OCA2: variants seen among roughly 807,000 people sequenced by gnomAD.
OCA2 encodes P protein.
Under a neutral mutation model 100.2 loss-of-function variants are expected in OCA2, and 77 were observed. That is an observed-to-expected ratio of 0.77 (90% CI 0.64 to 0.93). The LOEUF is 0.93. Ranked by LOEUF, OCA2 falls within the 40% of genes least tolerant of loss-of-function variation. OCA2 has a pLI of 0.00. For synonymous variants in OCA2, 432 were observed against 439.2 expected (o/e 0.98, Z 0.21); for missense variants, 1,062 against 1,089.1 (o/e 0.98, Z 0.35).
chr15:27,867,110 G>A (rs1459191289), intron 21 of OCA2, among the ~76,000 whole-genome samples: 2 of 152,234 alleles, frequency 1.3e-5, no homozygotes, highest in Non-Finnish European at 2.9e-5. Flanking sequence ...ACTATCCCTA[G>A]ATAAACTCCT....
At chr15:28,091,897 A>G (rs1398132244) in intron 1 of OCA2, among the ~76,000 whole-genome samples, 1 of 152,182 alleles carries the variant, frequency 6.6e-6, no homozygotes, top group Non-Finnish European at 1.5e-5. Flanking sequence ...CGGAGGTTGG[A>G]GTGAGCTGAG....
chr15:27,934,889 A>G (rs551811546), intron 18 of OCA2, among the ~76,000 whole-genome samples: 29 of 152,318 alleles, frequency 1.9e-4, no homozygotes, highest in Middle Eastern at 3.4e-3. Flanking sequence ...CTTACTTTTA[A>G]TCGCACTGCC....
chr15:27,929,228 G>A (rs1380354905), intron 18 of OCA2, among the ~76,000 whole-genome samples: 1 of 152,144 alleles, frequency 6.6e-6, no homozygotes. Flanking sequence ...CAAGGTTTGA[G>A]AATATACTTT....
chr15:28,056,915 C>G (rs922931013), intron 2 of OCA2, among the ~76,000 whole-genome samples: 3 of 152,238 alleles, frequency 2.0e-5, no homozygotes, highest in Non-Finnish European at 2.9e-5. Flanking sequence ...CCTGCCCCAG[C>G]TGCCTGCCCC....
chr15:28,036,840 G>A (rs985067879), intron 2 of OCA2, among the ~76,000 whole-genome samples: 2 of 152,168 alleles, frequency 1.3e-5, no homozygotes, highest in Admixed American at 1.3e-4. Context: ...GGGGTACCAG[G>A]CATGGAGGAA....
the OCA2 span, among the ~76,000 whole-genome samples, chr15:27,722,780 T>TTCTCTCTCTCTCTCTCTCTCTCTTTCTC: frequency 3.0e-5 from 4 of 134,312 alleles, no homozygotes; most frequent in African/African-American, 8.8e-5. Flanking sequence ...TTTTCTTTCT[T>TTCTCTCTCTCTCTCTCTCTCTCTTTCTC]TCTCTCTCTC....
the OCA2 span, among the ~76,000 whole-genome samples, chr15:27,745,648 C>T: frequency 8.5e-5 from 13 of 152,298 alleles, no homozygotes; most frequent in East Asian, 1.9e-4. Context: ...GGGAAATTTA[C>T]GCTGTGTAGA....
At chr15:27,931,458 C>T (rs547249501) in intron 18 of OCA2, among the ~76,000 whole-genome samples, 2 of 152,224 alleles carry the variant, frequency 1.3e-5, no homozygotes, top group South Asian at 4.1e-4. Flanking sequence ...CCTCAGCCTC[C>T]TGAGTAGCTG....
At chr15:27,908,161 C>T (rs1252929266) in intron 19 of OCA2, among the ~76,000 whole-genome samples, 2 of 152,040 alleles carry the variant, frequency 1.3e-5, no homozygotes, top group African/African-American at 2.4e-5. Context: ...AAGACCACCA[C>T]ATTAAGAAAA....
intron 23 of OCA2, among the ~76,000 whole-genome samples, chr15:27,769,518 A>G (rs554876791): frequency 6.6e-6 from 1 of 152,110 alleles, no homozygotes; most frequent in Non-Finnish European, 1.5e-5. Context: ...TTTCCTTTCC[A>G]AAAGACTACA....
chr15:27,925,504 T>C (rs1407519269), intron 19 of OCA2, among the ~76,000 whole-genome samples: 2 of 152,168 alleles, frequency 1.3e-5, no homozygotes, highest in African/African-American at 4.8e-5. Context: ...AGAAATTATA[T>C]GGAAAATTAG....
intron 9 of OCA2, among the ~76,000 whole-genome samples, chr15:28,003,491 A>G (rs1423648504): frequency 6.6e-6 from 1 of 152,076 alleles, no homozygotes; most frequent in Non-Finnish European, 1.5e-5. Flanking sequence ...ACAAGAAGCC[A>G]GGAGATGTTA....
chr15:27,920,070 AC>A (rs1377534850), intron 19 of OCA2, among the ~76,000 whole-genome samples: 1 of 152,160 alleles, frequency 6.6e-6, no homozygotes, highest in Non-Finnish European at 1.5e-5. Context: ...AAGGAAAAAA[AC>A]AAATAGAAAA....
chr15:28,068,617 A>G (rs938854414), intron 2 of OCA2, among the ~76,000 whole-genome samples: 2 of 152,244 alleles, frequency 1.3e-5, no homozygotes, highest in African/African-American at 4.8e-5. Flanking sequence ...CCTGATACCA[A>G]AATCTGGCAG....
the OCA2 span, among the ~76,000 whole-genome samples, chr15:27,738,462 G>A: frequency 1.3e-5 from 2 of 152,196 alleles, no homozygotes; most frequent in Non-Finnish European, 2.9e-5. Context: ...CGGGCCGGGC[G>A]CGGTGGCTCA....
At chr15:27,926,330 C>T (rs1468139740) in intron 18 of OCA2, 76 bp from the exon 19 acceptor site, 6 of 1,532,842 alleles carry the variant, frequency 3.9e-6, no homozygotes, top group South Asian at 1.1e-5. Flanking sequence ...CCTCTGGTTG[C>T]CTTTTTCTTT....
chr15:28,098,703 G>C (rs1009905035), intron 1 of OCA2, among the ~76,000 whole-genome samples: 1 of 152,200 alleles, frequency 6.6e-6, no homozygotes, highest in Non-Finnish European at 1.5e-5. Context: ...CCACATACCA[G>C]GCTTCCTGTG....
chr15:27,847,289 G>A (rs903826344), intron 22 of OCA2, among the ~76,000 whole-genome samples: 19 of 152,338 alleles, frequency 1.2e-4, no homozygotes, highest in African/African-American at 4.1e-4. Context: ...GACAGAGGGC[G>A]GGGAGCTGGT....
At chr15:27,841,744 A>G (rs1166686205) in intron 23 of OCA2, among the ~76,000 whole-genome samples, 1 of 152,226 alleles carries the variant, frequency 6.6e-6, no homozygotes, top group African/African-American at 2.4e-5. Flanking sequence ...AAGGCAAAGG[A>G]TATGAATAGA....
Sources: gnomAD v4.1 joint callset for allele counts (sites outside exome capture counted in the v4.1 genomes callset) on GRCh38, gnomAD v4.1.1 for gene constraint, MANE v1.5 for transcripts, NCBI Gene and HGNC (gene_info 2026-07-23, HGNC 2026-07-21) for gene names.